Variants in TRIM66 observed in about 807,000 individuals in gnomAD.
TRIM66 encodes tripartite motif containing 66.
A neutral mutation model predicts 148.2 loss-of-function variants in TRIM66; 99 were observed. The observed-to-expected ratio is 0.67, with a 90% CI of 0.57 to 0.79. The LOEUF is 0.79. Among genes scored for constraint, TRIM66 ranks in the 30% least tolerant of loss-of-function variants. TRIM66 has a pLI of 0.00. For missense variants in TRIM66, 1,666 were observed against 1,697.9 expected, an observed-to-expected ratio of 0.98 and a Z score of 0.33; for synonymous variants, 616 against 635.9, an observed-to-expected ratio of 0.97 and a Z score of 0.47.
intron 6 of TRIM66, among the ~76,000 whole-genome samples, chr11:8,658,491 C>A (rs2038020899): frequency 6.6e-6 from 1 of 152,168 alleles, no homozygotes; most frequent in Admixed American, 6.5e-5. Flanking sequence ...CTGCCCCGAT[C>A]CGGCAGCTCA....
intron 23 of TRIM66, 137 bp downstream of exon 23, chr11:8,619,246 C>G (rs2033965881): frequency 9.5e-7 from 1 of 1,048,808 alleles, no homozygotes; most frequent in Admixed American, 2.9e-5. Flanking sequence ...TTTAAACACT[C>G]ACCACAGCAG....
At chr11:8,649,045 A>G (rs897506924) in intron 8 of TRIM66, among the ~76,000 whole-genome samples, 1 of 152,252 alleles carries the variant, frequency 6.6e-6, no homozygotes, top group African/African-American at 2.4e-5. Flanking sequence ...ATTGTCATTT[A>G]AAACAGATGG....
intron 6 of TRIM66, among the ~76,000 whole-genome samples, chr11:8,655,548 C>T (rs1014082289): frequency 1.3e-5 from 2 of 152,020 alleles, no homozygotes; most frequent in Admixed American, 6.5e-5. Flanking sequence ...TTTGGAATGC[C>T]AAGGCAGGAG....
intron 6 of TRIM66, among the ~76,000 whole-genome samples, chr11:8,666,417 T>C (rs1481894560): frequency 6.6e-6 from 1 of 150,978 alleles, no homozygotes; most frequent in Non-Finnish European, 1.5e-5. Flanking sequence ...AAATTGACTC[T>C]CTGGTTCCAA....
At chr11:8,676,548 A>G (rs998529153) in intron 3 of TRIM66, among the ~76,000 whole-genome samples, 2 of 152,216 alleles carry the variant, frequency 1.3e-5, no homozygotes, top group Non-Finnish European at 2.9e-5. Flanking sequence ...ACCACCAGCA[A>G]GTACTACACA....
chr11:8,625,463 T>TGTG (rs2034731694), intron 15 of TRIM66, among the ~76,000 whole-genome samples: 4 of 148,140 alleles, frequency 2.7e-5, no homozygotes, highest in Non-Finnish European at 4.5e-5. Flanking sequence ...CGGAGAACTA[T>TGTG]TGTGTGTGTG....
At position 8,643,631 on chromosome 11, in the gene TRIM66, C is replaced by G. The variant is rs562674411; in HGVS notation, c.1105-505G>C. 1.1e-4 allele frequency among the ~76,000 whole-genome samples: 17 copies of G among 152,234 alleles called. No homozygotes were observed. The South Asian group carries it at 2.9e-3, about 26-fold the overall frequency. ...TGCTGGAATTACAGGCGTGAGCCAC[C>G]GCACCTGGCCTGGAACCCCTACATT... On this transcript the variant is annotated intron_variant, in intron 12 of 24. Coordinates refer to ENST00000646038, the MANE Select transcript of TRIM66 (RefSeq NM_001388022.1).
At chr11:8,656,084 T>C (rs2037805817) in intron 6 of TRIM66, among the ~76,000 whole-genome samples, 1 of 152,136 alleles carries the variant, frequency 6.6e-6, no homozygotes, top group South Asian at 2.1e-4. Flanking sequence ...TGTCCAGAAA[T>C]TCTTCTCTTC....
chr11:8,650,100 T>C (rs2037226207), intron 7 of TRIM66, among the ~76,000 whole-genome samples: 1 of 152,096 alleles, frequency 6.6e-6, no homozygotes, highest in Non-Finnish European at 1.5e-5. Flanking sequence ...ACTTCAGGTA[T>C]GGTGGCTCAC....
intron 6 of TRIM66, among the ~76,000 whole-genome samples, chr11:8,661,799 C>T (rs1460856397): frequency 1.3e-5 from 2 of 152,174 alleles, no homozygotes; most frequent in Non-Finnish European, 2.9e-5. Flanking sequence ...CCTAACCACT[C>T]CCCCTTAAAT....
In TRIM66 at chr11:8,633,124, C is replaced by T. The variant is rs144204188; in HGVS notation, c.2310+5530G>A. Among the ~76,000 whole-genome samples the T allele has an allele frequency of 3.9e-3, 594 of 152,242 alleles. 1 individual carries two copies. Among genetic ancestry groups the T allele is most frequent in the Non-Finnish European group, 5.9e-3 (404 of 68,024 alleles). On this transcript the variant is annotated intron_variant, in intron 15 of 24. Coordinates refer to ENST00000646038, the MANE Select transcript of TRIM66 (RefSeq NM_001388022.1). ...GAGAATTTGGTCAAAGGTATTTTGCCCAGGCCAGTGTAGGAAACTGACTTA... is the reference window on the plus strand; with the variant it reads ...GAGAATTTGGTCAAAGGTATTTTGCTCAGGCCAGTGTAGGAAACTGACTTA...
intron 6 of TRIM66, among the ~76,000 whole-genome samples, chr11:8,671,159 G>A (rs374187579): frequency 5.3e-5 from 8 of 152,128 alleles, no homozygotes; most frequent in African/African-American, 1.7e-4. Flanking sequence ...GATCAACAAC[G>A]GTATTTCTAA....
At chr11:8,633,006 A>C (rs1383548943) in intron 15 of TRIM66, among the ~76,000 whole-genome samples, 1 of 152,222 alleles carries the variant, frequency 6.6e-6, no homozygotes, top group Non-Finnish European at 1.5e-5. Flanking sequence ...AATCTGAGGT[A>C]GAAGAAAGAG....
intron 7 of TRIM66, among the ~76,000 whole-genome samples, chr11:8,651,522 T>A (rs2037355101): frequency 6.6e-6 from 1 of 152,022 alleles, no homozygotes; most frequent in African/African-American, 2.4e-5. Flanking sequence ...ATATAGACAG[T>A]AAGCAACTCT....
chr11:8,636,220 A>T (rs1702025097), intron 15 of TRIM66, among the ~76,000 whole-genome samples: 1 of 151,938 alleles, frequency 6.6e-6, no homozygotes, highest in South Asian at 2.1e-4. Flanking sequence ...TTTCATCTCC[A>T]TCCCAACCAA....
At chr11:8,643,740 C>T (rs2036605695) in intron 12 of TRIM66, among the ~76,000 whole-genome samples, 1 of 152,174 alleles carries the variant, frequency 6.6e-6, no homozygotes, top group Non-Finnish European at 1.5e-5. Flanking sequence ...ACCATCACCT[C>T]AATTTAAAAG....
In TRIM66 at chr11:8,669,642, CAA is replaced by C. The variant is rs112240789; in HGVS notation, c.340+2142_340+2143del. Among the ~76,000 whole-genome samples, 69 of 120,428 alleles carry C rather than the reference CAA, an allele frequency of 5.7e-4. 1 individual carries two copies. Among genetic ancestry groups the C allele is most frequent in the Middle Eastern group, 4.5e-3 (1 of 222 alleles). 79.0% of individuals were successfully genotyped at this position (120,428 alleles called of 152,430 possible). A position where few individuals can be genotyped will look rare whatever the true frequency, so the allele number is the denominator to read the frequency against. On this transcript the variant is annotated intron_variant, in intron 6 of 24. Transcript: ENST00000646038. ...TGGGCGACAGAGTGAGACCCTGTCT[CAA>C]AAAAAAAAAAAAAAACTCCTTTTGG...
In TRIM66 at chr11:8,677,508, G is replaced by A. The variant is rs542799125; in HGVS notation, c.-190+2112C>T. Among the ~76,000 whole-genome samples the A allele has an allele frequency of 1.1e-4, 17 of 152,298 alleles. No individual in the cohort carries two copies. The South Asian group carries it at 2.9e-3, about 26-fold the overall frequency. ...AAAACAGAACTAGGAGGCTGGGCGT[G>A]ATGGTCATGCCTGTAATCCCAGTGC... On this transcript the variant is annotated intron_variant, in intron 3 of 24. Coordinates refer to ENST00000646038, the MANE Select transcript of TRIM66 (RefSeq NM_001388022.1).
At chr11:8,661,734 G>A (rs954603453) in intron 6 of TRIM66, among the ~76,000 whole-genome samples, 3 of 152,176 alleles carry the variant, frequency 2.0e-5, no homozygotes, top group Non-Finnish European at 4.4e-5. Context: ...CATCTATGCA[G>A]GAGGGATTGG....
Sources: allele counts gnomAD v4.1 joint callset (sites outside exome capture counted in the v4.1 genomes callset), GRCh38; gene constraint gnomAD v4.1.1; transcripts MANE v1.5; gene names NCBI Gene and HGNC (gene_info 2026-07-23, HGNC 2026-07-21).